Variants in ATG10 observed in about 807,000 individuals in gnomAD.
The protein encoded by ATG10 is ubiquitin-like-conjugating enzyme ATG10.
In ATG10, 30 loss-of-function variants were observed where a neutral mutation model predicts 32.1. The observed-to-expected ratio is 0.94, with a 90% CI of 0.70 to 1.27. The LOEUF (loss-of-function observed/expected upper bound fraction) is 1.27, where lower values mean the gene tolerates loss of function less well. ATG10 is among the 50% of genes most tolerant of loss of function. The pLI is 0.00. For synonymous variants in ATG10, 87 were observed against 91.5 expected (o/e 0.95, Z 0.28); for missense variants, 233 against 262.3 (o/e 0.89, Z 0.77).
intron 3 of ATG10, among the ~76,000 whole-genome samples, chr5:82,115,783 G>A (rs992606877): frequency 1.1e-4 from 16 of 152,058 alleles, no homozygotes; most frequent in African/African-American, 3.6e-4. Context: ...AAAGGGTAGG[G>A]TCTTTTATGG....
At chr5:82,067,957 T>A (rs951003242) in intron 3 of ATG10, among the ~76,000 whole-genome samples, 11 of 152,212 alleles carry the variant, frequency 7.2e-5, no homozygotes, top group Admixed American at 2.0e-4. Context: ...ACTGAGCTGA[T>A]GTTTCTGTAC....
chr5:82,104,272 T>G (rs966247361), intron 3 of ATG10, among the ~76,000 whole-genome samples: 1 of 152,110 alleles, frequency 6.6e-6, no homozygotes, highest in Non-Finnish European at 1.5e-5. Context: ...CCCAACCGTT[T>G]TCTAAGGTAA....
At chr5:82,024,576 A>G (rs909000003) in intron 2 of ATG10, among the ~76,000 whole-genome samples, 2 of 152,192 alleles carry the variant, frequency 1.3e-5, no homozygotes, top group South Asian at 4.1e-4. Context: ...TAAAATCCTG[A>G]TCTTTCACCA....
At chr5:82,015,685 T>G (rs1431213402) in intron 2 of ATG10, among the ~76,000 whole-genome samples, 1 of 152,236 alleles carries the variant, frequency 6.6e-6, no homozygotes, top group African/African-American at 2.4e-5. Flanking sequence ...CATTAGGCCA[T>G]TTAAGTACTT....
At chr5:82,230,202 T>G (rs891863084) in intron 5 of ATG10, among the ~76,000 whole-genome samples, 2 of 152,174 alleles carry the variant, frequency 1.3e-5, no homozygotes, top group Non-Finnish European at 2.9e-5. Flanking sequence ...TTGTGAAATA[T>G]TTCAAAGGAA....
chr5:82,148,349 C>T (rs192129755), intron 3 of ATG10, among the ~76,000 whole-genome samples: 1 of 152,260 alleles, frequency 6.6e-6, no homozygotes, highest in African/African-American at 2.4e-5. Context: ...TGTTCTAGAA[C>T]ATCATCTGGA....
chr5:82,139,441 G>C (rs1225087945), intron 3 of ATG10, among the ~76,000 whole-genome samples: 6 of 141,058 alleles, frequency 4.3e-5, no homozygotes, highest in Non-Finnish European at 9.3e-5. Flanking sequence ...AGTGAGGAGC[G>C]TCTCTGCCCG....
chr5:81,987,344 C>A (rs1162620228), intron 1 of ATG10, among the ~76,000 whole-genome samples: 1 of 152,062 alleles, frequency 6.6e-6, no homozygotes, highest in African/African-American at 2.4e-5. Context: ...AGGCTGGTCT[C>A]GAACTCCTGG....
chr5:82,143,565 TG>T (rs1229467619), intron 3 of ATG10, among the ~76,000 whole-genome samples: 2 of 152,184 alleles, frequency 1.3e-5, no homozygotes, highest in Admixed American at 6.5e-5. Context: ...CAGTAGCTAG[TG>T]GGGGAAAACA....
intron 2 of ATG10, among the ~76,000 whole-genome samples, chr5:82,029,222 G>T (rs1048015659): frequency 6.6e-6 from 1 of 152,154 alleles, no homozygotes; most frequent in African/African-American, 2.4e-5. Flanking sequence ...CCATCATTTG[G>T]AGAAAAGTGA....
chr5:82,131,595 G>T (rs1405966677), intron 3 of ATG10, among the ~76,000 whole-genome samples: 1 of 151,056 alleles, frequency 6.6e-6, no homozygotes, highest in Non-Finnish European at 1.5e-5. Context: ...TTTTTGAAAA[G>T]AATCCAACTT....
At chr5:82,190,487 T>C (rs565857067) in intron 5 of ATG10, among the ~76,000 whole-genome samples, 3 of 151,896 alleles carry the variant, frequency 2.0e-5, no homozygotes, top group Non-Finnish European at 4.4e-5. Flanking sequence ...TTGTGTAGAA[T>C]TCCGACCAGG....
intron 3 of ATG10, among the ~76,000 whole-genome samples, chr5:82,075,356 C>T (rs1246215277): frequency 2.0e-5 from 3 of 152,174 alleles, no homozygotes; most frequent in South Asian, 2.1e-4. Context: ...AAATCAAAGG[C>T]TATTTTGAAT....
chr5:82,174,719 C>T (rs1265706476), intron 4 of ATG10, among the ~76,000 whole-genome samples: 1 of 152,032 alleles, frequency 6.6e-6, no homozygotes, highest in Non-Finnish European at 1.5e-5. Flanking sequence ...AGGTAACCTC[C>T]CTAGGTGACT....
intron 5 of ATG10, among the ~76,000 whole-genome samples, chr5:82,216,177 C>T (rs1707976572): frequency 6.6e-6 from 1 of 152,126 alleles, no homozygotes; most frequent in South Asian, 2.1e-4. Context: ...ATAGAAACTG[C>T]AGAAATATTC....
intron 5 of ATG10, among the ~76,000 whole-genome samples, chr5:82,187,793 G>A (rs1744511963): frequency 6.6e-6 from 1 of 151,858 alleles, no homozygotes; most frequent in South Asian, 2.1e-4. Flanking sequence ...TCACCATGTT[G>A]ATCAGGCTGG....
intron 2 of ATG10, among the ~76,000 whole-genome samples, chr5:81,998,115 A>C (rs569078963): frequency 3.3e-5 from 5 of 152,308 alleles, no homozygotes; most frequent in African/African-American, 1.2e-4. Context: ...AATGAAAGAC[A>C]ATATTTTAAA....
chr5:82,041,802 G>T (rs986746282), intron 2 of ATG10, among the ~76,000 whole-genome samples: 2 of 146,250 alleles, frequency 1.4e-5, no homozygotes, highest in East Asian at 2.0e-4. Context: ...GATTTTTTCA[G>T]TTTTTTTTTT....
intron 3 of ATG10, among the ~76,000 whole-genome samples, chr5:82,109,977 G>A (rs1284730806): frequency 7.0e-6 from 1 of 142,342 alleles, no homozygotes; most frequent in Non-Finnish European, 1.5e-5. Flanking sequence ...GGGCCCTGGT[G>A]TGTGATGTTC....
Sources: gnomAD v4.1 joint callset for allele counts (sites outside exome capture counted in the v4.1 genomes callset) on GRCh38, gnomAD v4.1.1 for gene constraint, MANE v1.5 for transcripts, NCBI Gene and HGNC (gene_info 2026-07-23, HGNC 2026-07-21) for gene names.